Variants in TRPC4 observed in about 807,000 individuals in gnomAD.
The protein encoded by TRPC4 is transient receptor potential cation channel subfamily C member 4.
Under a neutral mutation model 99.4 loss-of-function variants are expected in TRPC4, and 49 were observed. That is an observed-to-expected ratio of 0.49 (90% CI 0.39 to 0.63). The LOEUF is 0.63. TRPC4 is among the 20% of genes least tolerant of loss of function. The pLI is 0.00. For missense variants in TRPC4, 898 were observed against 1,152.9 expected, an observed-to-expected ratio of 0.78 and a Z score of 3.20; for synonymous variants, 454 against 425.9, an observed-to-expected ratio of 1.07 and a Z score of -0.81.
At chr13:37,822,564 T>A (rs1400885341) in intron 1 of TRPC4, among the ~76,000 whole-genome samples, 1 of 151,728 alleles carries the variant, frequency 6.6e-6, no homozygotes, top group African/African-American at 2.4e-5. Context: ...AATGATGATT[T>A]CCAATTTCAT....
chr13:37,839,773 A>G (rs766762551), intron 1 of TRPC4, among the ~76,000 whole-genome samples: 11 of 152,124 alleles, frequency 7.2e-5, no homozygotes, highest in Non-Finnish European at 1.0e-4. Context: ...TGAGGCTTTT[A>G]ATCAACTCCC....
At chr13:37,836,701 T>C (rs1360674798) in intron 1 of TRPC4, among the ~76,000 whole-genome samples, 1 of 152,060 alleles carries the variant, frequency 6.6e-6, no homozygotes, top group East Asian at 1.9e-4. Context: ...AGCCTAAAAG[T>C]TTGGAAAATG....
Position 37,683,139 on chromosome 13 carries a change from C to T in TRPC4, c.1235-8772G>A, listed in dbSNP as rs550449281. Among the ~76,000 whole-genome samples, 29 of 151,994 alleles carry T rather than the reference C, an allele frequency of 1.9e-4. No homozygotes were observed. The South Asian group carries it at 5.2e-3, about 27-fold the overall frequency. ...GGTGTTTCCTCACCAATACTACTGC[C>T]TCCCTAAGTCAAGTCTAAGGGAGAC... On this transcript the variant is annotated intron_variant, in intron 4 of 10. Coordinates refer to ENST00000379705, the MANE Select transcript of TRPC4 (RefSeq NM_016179.4).
intron 2 of TRPC4, among the ~76,000 whole-genome samples, chr13:37,774,492 C>CATTT (rs1198024280): frequency 2.6e-5 from 4 of 151,664 alleles, no homozygotes; most frequent in African/African-American, 4.8e-5. Flanking sequence ...TTGAAAAGAA[C>CATTT]ATTTATTTAT....
chr13:37,820,547 T>C (rs1165904376), intron 1 of TRPC4, among the ~76,000 whole-genome samples: 1 of 152,050 alleles, frequency 6.6e-6, no homozygotes, highest in Non-Finnish European at 1.5e-5. Flanking sequence ...CAACAAATAC[T>C]AGCCAACTGA....
At chr13:37,791,197 G>C (rs1957108410) in intron 1 of TRPC4, among the ~76,000 whole-genome samples, 1 of 151,870 alleles carries the variant, frequency 6.6e-6, no homozygotes. Context: ...TTCAAGACCA[G>C]CCTGGCCAAA....
chr13:37,699,893 G>A (rs544943223), intron 3 of TRPC4, among the ~76,000 whole-genome samples: 21 of 152,266 alleles, frequency 1.4e-4, no homozygotes, highest in Non-Finnish European at 2.5e-4. Flanking sequence ...CAACTGATCT[G>A]AGACAATGAG....
chr13:37,745,343 C>A (rs4365182), intron 3 of TRPC4, among the ~76,000 whole-genome samples: 55,813 of 149,520 alleles, frequency 0.37, 11,873 homozygotes, highest in Non-Finnish European at 0.49. Context: ...GTTCCACATC[C>A]TATGAATGCT....
At position 37,730,770 on chromosome 13, in the gene TRPC4, G is replaced by A. The variant is rs1045625364; in HGVS notation, c.897+15167C>T. Reference sequence around the variant, plus strand: ...ACGAATTCCCACATTCTTACTTAGAGAATTTTTACTTTGATTTTCCCACAC... The same window carrying A: ...ACGAATTCCCACATTCTTACTTAGAAAATTTTTACTTTGATTTTCCCACAC... On this transcript the variant is annotated intron_variant, in intron 3 of 10. Transcript: ENST00000379705. Among the ~76,000 whole-genome samples the A allele has an allele frequency of 2.0e-5, 3 of 152,194 alleles. No individual in the cohort carries two copies. The South Asian group carries it at 6.2e-4, about 32-fold the overall frequency.
intron 1 of TRPC4, among the ~76,000 whole-genome samples, chr13:37,851,844 A>G (rs1317971792): frequency 6.6e-6 from 1 of 152,184 alleles, no homozygotes; most frequent in East Asian, 1.9e-4. Context: ...GAGCACAGCA[A>G]CAGGTGGACA....
At chr13:37,731,445 T>C (rs906106314) in intron 3 of TRPC4, among the ~76,000 whole-genome samples, 13 of 151,870 alleles carry the variant, frequency 8.6e-5, no homozygotes, top group African/African-American at 2.9e-4. Context: ...AGAGACATAT[T>C]GGCAACAATA....
At chr13:37,694,100 G>A (rs539189924) in intron 3 of TRPC4, among the ~76,000 whole-genome samples, 8 of 152,088 alleles carry the variant, frequency 5.3e-5, no homozygotes, top group Middle Eastern at 3.4e-3. Context: ...TTTTTTCCCC[G>A]TATAATCCTT....
intron 8 of TRPC4, 137 bp downstream of exon 8, chr13:37,651,128 G>C: frequency 2.2e-6 from 2 of 926,510 alleles, no homozygotes; most frequent in South Asian, 3.4e-5. Context: ...AGTCATGGGA[G>C]ATGTGTTATA....
chr13:37,755,542 G>A (rs781091536), intron 2 of TRPC4, among the ~76,000 whole-genome samples: 7 of 151,738 alleles, frequency 4.6e-5, no homozygotes, highest in African/African-American at 1.2e-4. Context: ...CCAAGTAGCC[G>A]GACTACAAGC....
chr13:37,636,501 A>G lies in TRPC4; in HGVS notation c.*402T>C. ...GAGTAACCCTCTCTAAAGACCCTAA[A>G]AAATTATGAAAAGCTATAATATTTC... On this transcript the variant is annotated 3_prime_UTR_variant, in exon 11 of 11. Transcript: ENST00000379705. 6.4e-6 allele frequency: 1 copy of G among 155,676 alleles called. No individual in the cohort carries two copies. Among genetic ancestry groups the G allele is most frequent in the Non-Finnish European group, 1.4e-5 (1 of 70,466 alleles). 9.6% of individuals were successfully genotyped at this position (155,676 alleles called of 1,614,324 possible). A position where few individuals can be genotyped will look rare whatever the true frequency, so the allele number is the denominator to read the frequency against.
chr13:37,703,004 T>C (rs1954151320), intron 3 of TRPC4, among the ~76,000 whole-genome samples: 1 of 151,914 alleles, frequency 6.6e-6, no homozygotes, highest in Non-Finnish European at 1.5e-5. Context: ...AAAAGAAGGG[T>C]CATAAAGCTT....
At chr13:37,833,981 C>A (rs1257424976) in intron 1 of TRPC4, among the ~76,000 whole-genome samples, 4 of 152,152 alleles carry the variant, frequency 2.6e-5, no homozygotes, top group Non-Finnish European at 5.9e-5. Flanking sequence ...TATAACTGAG[C>A]TAATAAATCA....
intron 10 of TRPC4, among the ~76,000 whole-genome samples, chr13:37,638,166 C>T (rs961672363): frequency 2.0e-5 from 3 of 152,138 alleles, no homozygotes; most frequent in Admixed American, 1.3e-4. Flanking sequence ...ATTTCTTAGA[C>T]TCATCCTTTT....
Position 37,636,820 on chromosome 13 carries a change from C to T in TRPC4, c.*83G>A, listed in dbSNP as rs1951534248. On this transcript the variant is annotated 3_prime_UTR_variant, in exon 11 of 11. Transcript: ENST00000379705. ...GCTATAAAGTGTAAGTTAGCATTTG[C>T]TAATACAATTTAAACATTTTCCCCC... The T allele has an allele frequency of 1.6e-5, 24 of 1,503,088 alleles. No individual in the cohort carries two copies. The South Asian group carries it at 3.2e-4, about 20-fold the overall frequency. 93.1% of individuals were successfully genotyped at this position (1,503,088 alleles called of 1,614,324 possible).
Sources: allele counts gnomAD v4.1 joint callset (sites outside exome capture counted in the v4.1 genomes callset), GRCh38; gene constraint gnomAD v4.1.1; transcripts MANE v1.5; gene names NCBI Gene and HGNC (gene_info 2026-07-23, HGNC 2026-07-21).